The following ART3 variants were observed in gnomAD, a reference collection of about 807,000 sequenced individuals.
The protein encoded by ART3 is ecto-ADP-ribosyltransferase 3.
ART3 carries 49 observed loss-of-function variants against 48.5 expected under a neutral mutation model. The observed-to-expected ratio is 1.01, with a 90% CI of 0.80 to 1.28. The LOEUF (loss-of-function observed/expected upper bound fraction) is 1.28. Among genes scored for constraint, ART3 ranks in the 50% most tolerant of loss-of-function variants. The pLI, the probability that ART3 is intolerant of heterozygous loss-of-function variation, is 0.00. For synonymous variants in ART3, 145 were observed against 157.2 expected, an observed-to-expected ratio of 0.92 and a Z score of 0.58; for missense variants, 438 against 454.3, an observed-to-expected ratio of 0.96 and a Z score of 0.33.
intron 11 of ART3, among the ~76,000 whole-genome samples, chr4:76,111,540 A>C (rs980002367): frequency 2.3e-5 from 3 of 128,676 alleles, no homozygotes; most frequent in African/African-American, 1.0e-4. Context: ...GTAAAAATAC[A>C]GTTTATTTAT....
chr4:76,063,538 G>A (rs1451960747), intron 1 of ART3, among the ~76,000 whole-genome samples: 1 of 151,990 alleles, frequency 6.6e-6, no homozygotes, highest in South Asian at 2.1e-4. Flanking sequence ...AAAGAAACTA[G>A]GAAAAAATCC....
intron 1 of ART3, among the ~76,000 whole-genome samples, chr4:76,028,477 AAC>A (rs1376871388): frequency 6.6e-6 from 1 of 152,256 alleles, no homozygotes; most frequent in Non-Finnish European, 1.5e-5. Context: ...TGAAAAAAGG[AAC>A]AGTCTGCCCT....
At chr4:76,022,392 A>G (rs761513968) in intron 1 of ART3, 1 of 1,613,706 alleles carries the variant, frequency 6.2e-7, no homozygotes, top group Non-Finnish European at 8.5e-7. Context: ...CTTTCAGTAA[A>G]TTCTTGATGG....
intron 1 of ART3, among the ~76,000 whole-genome samples, chr4:76,057,473 C>T (rs1053557214): frequency 6.6e-6 from 1 of 152,140 alleles, no homozygotes; most frequent in Non-Finnish European, 1.5e-5. Context: ...AATAAAGGTA[C>T]TCTCTGTACT....
At chr4:76,108,533 C>G (rs1434059168) in intron 11 of ART3, among the ~76,000 whole-genome samples, 1 of 151,366 alleles carries the variant, frequency 6.6e-6, no homozygotes, top group Non-Finnish European at 1.5e-5. Context: ...ATCCCTCTAC[C>G]TCCACTCCAC....
intron 1 of ART3, among the ~76,000 whole-genome samples, chr4:76,046,329 G>C (rs1438978152): frequency 6.6e-6 from 1 of 152,012 alleles, no homozygotes; most frequent in African/African-American, 2.4e-5. Context: ...TGAGAGAGCA[G>C]GGTATAGGGG....
intron 1 of ART3, chr4:76,041,343 G>A (rs921499473): frequency 6.6e-6 from 1 of 152,098 alleles, no homozygotes; most frequent in Admixed American, 6.6e-5. Flanking sequence ...TGTATAATAT[G>A]GTTTTTCTAG....
chr4:76,045,614 G>A (rs979509524), intron 1 of ART3, among the ~76,000 whole-genome samples: 3 of 152,120 alleles, frequency 2.0e-5, no homozygotes, highest in Non-Finnish European at 4.4e-5. Flanking sequence ...AGCTATCTTG[G>A]CTCTCTCTGT....
chr4:76,070,504 C>T (rs1025712090), upstream of ART3, among the ~76,000 whole-genome samples: 14 of 152,068 alleles, frequency 9.2e-5, no homozygotes, highest in African/African-American at 2.2e-4. Flanking sequence ...ATCTTTTGCC[C>T]GTAATCATTC....
Position 76,034,651 on chromosome 4 carries a change from C to T in ART3, c.-10+23331C>T, listed in dbSNP as rs1437729991. On this transcript the variant is annotated intron_variant, in intron 1 of 9. Transcript: ENST00000341029. ...CACCCACCTTTCATCCTTCACATAA[C>T]TGTACAAAAGTTGAAAGTCACAAAA... 4.2e-6 allele frequency: 3 copies of T among 717,776 alleles called. No individual in the cohort carries two copies. In the African/African-American group the frequency reaches 5.5e-5, roughly 13 times the overall value. 44.5% of individuals were successfully genotyped at this position (717,776 alleles called of 1,614,324 possible). A position where few individuals can be genotyped will look rare whatever the true frequency, so the allele number is the denominator to read the frequency against.
intron 3 of ART3, among the ~76,000 whole-genome samples, chr4:76,083,052 G>T (rs1449824321): frequency 6.6e-6 from 1 of 152,174 alleles, no homozygotes; most frequent in Non-Finnish European, 1.5e-5. Flanking sequence ...TTAAAAATTA[G>T]CCAGGCATGG....
intron 1 of ART3, among the ~76,000 whole-genome samples, chr4:76,050,117 G>A (rs1735911198): frequency 6.6e-6 from 1 of 152,048 alleles, no homozygotes. Flanking sequence ...AAAGCAGTGT[G>A]GACCCAAAGA....
At chr4:76,028,785 G>A (rs1250367232) in intron 1 of ART3, among the ~76,000 whole-genome samples, 1 of 152,152 alleles carries the variant, frequency 6.6e-6, no homozygotes, top group East Asian at 1.9e-4. Flanking sequence ...CTAAGCAGAG[G>A]GCAAACTGAG....
intron 1 of ART3, among the ~76,000 whole-genome samples, chr4:76,045,778 G>C (rs1307446916): frequency 6.6e-6 from 1 of 151,882 alleles, no homozygotes; most frequent in Non-Finnish European, 1.5e-5. Context: ...GAGTATAGAG[G>C]GGCCTGGCTA....
chr4:76,034,202 G>A (rs1002509331), intron 1 of ART3: 3 of 372,186 alleles, frequency 8.1e-6, no homozygotes, highest in African/African-American at 6.2e-5. Flanking sequence ...TGTGCTACAT[G>A]ATGTTTGGGG....
At chr4:76,069,978 G>A (rs28393130), upstream of ART3, among the ~76,000 whole-genome samples, 31,365 of 151,884 alleles carry the variant, frequency 0.21, 5,519 homozygotes, top group African/African-American at 0.48. Context: ...GAAATTTCTG[G>A]ATCATGTAGT....
intron 8 of ART3, 77 bp from the exon 9 acceptor site, chr4:76,103,860 G>T: frequency 1.5e-6 from 2 of 1,292,914 alleles, no homozygotes; most frequent in Admixed American, 2.3e-5. Context: ...GGAAATGGAG[G>T]AAATATAGAC....
rs746751204 is a variant in ART3, at chr4:76,082,216, G to A, written c.462G>A (p.Glu154=). Residue 154 remains glutamate, a synonymous_variant, in exon 3 of 12, where the codon GAG becomes GAA. Transcript: ENST00000355810. ...TGCAGTTGCTGAGAAAACCTTGTGA[G>A]GCCAGTTCCAAAACTGTGGTATATA... ...RALQLLRKPC[E]ASSKTVVYRT... 9.9e-6 allele frequency: 16 copies of A among 1,614,026 alleles called. No individual in the cohort carries two copies. The Middle Eastern group carries it at 4.9e-4, about 50-fold the overall frequency.
At chr4:76,073,652 G>A (rs904992077), upstream of ART3, among the ~76,000 whole-genome samples, 4 of 152,136 alleles carry the variant, frequency 2.6e-5, no homozygotes, top group African/African-American at 9.7e-5. Context: ...GGCATCCATA[G>A]CAAAAAGCAG....
Sources: allele counts gnomAD v4.1 joint callset (sites outside exome capture counted in the v4.1 genomes callset), GRCh38; gene constraint gnomAD v4.1.1; transcripts MANE v1.5; gene names NCBI Gene and HGNC (gene_info 2026-07-23, HGNC 2026-07-21).